Variants in DNM3 observed in about 807,000 individuals in gnomAD.
DNM3 encodes dynamin 3.
DNM3 carries 47 observed loss-of-function variants against 101.6 expected under a neutral mutation model. That is an observed-to-expected ratio of 0.46 (90% CI 0.37 to 0.59). DNM3 has a LOEUF of 0.59. Ranked by LOEUF, DNM3 falls within the 20% of genes least tolerant of loss-of-function variation. DNM3 has a pLI of 0.00. For missense variants in DNM3, 849 were observed against 1,085.7 expected (o/e 0.78, Z 3.06); for synonymous variants, 385 against 387.9 (o/e 0.99, Z 0.09).
chr1:172,410,940 ATG>A lies in DNM3; in HGVS notation c.*3103_*3104del, dbSNP rs948117343. Reference sequence around the variant, plus strand: ...CTGTGTACAAACACATTTTCTATGCATGTGTCTCTGTGTATATGGCATATACC... The same window carrying A: ...CTGTGTACAAACACATTTTCTATGCATGTCTCTGTGTATATGGCATATACC... On this transcript the variant is annotated 3_prime_UTR_variant, in exon 21 of 21. Transcript: ENST00000627582. 1.6e-5 allele frequency: 16 copies of A among 985,148 alleles called. No individual in the cohort carries two copies. Among genetic ancestry groups the A allele is most frequent in the Non-Finnish European group, 1.8e-5 (15 of 829,824 alleles). 61.0% of individuals were successfully genotyped at this position (985,148 alleles called of 1,614,324 possible).
intron 17 of DNM3, among the ~76,000 whole-genome samples, chr1:172,331,088 T>G (rs959764626): frequency 2.6e-5 from 4 of 152,208 alleles, no homozygotes; most frequent in African/African-American, 9.7e-5. Flanking sequence ...TCATTGCCTA[T>G]TGCTTTCAAT....
At chr1:172,073,882 C>T (rs541418597) in intron 11 of DNM3, among the ~76,000 whole-genome samples, 73 of 152,216 alleles carry the variant, frequency 4.8e-4, no homozygotes, top group African/African-American at 1.7e-3. Context: ...GGTATAATAC[C>T]TTCTTTTTTG....
At chr1:172,117,623 G>A (rs188923220) in intron 13 of DNM3, among the ~76,000 whole-genome samples, 30 of 152,038 alleles carry the variant, frequency 2.0e-4, no homozygotes, top group African/African-American at 6.0e-4. Context: ...CCTCTTTTTC[G>A]TCCTAGTCTT....
intron 2 of DNM3, among the ~76,000 whole-genome samples, chr1:171,942,579 A>G (rs904490998): frequency 1.3e-5 from 2 of 152,176 alleles, no homozygotes; most frequent in African/African-American, 2.4e-5. Flanking sequence ...CCAGACACAT[A>G]TTGAACGAAG....
chr1:172,071,085 G>GCATA (rs2052129593), intron 11 of DNM3, among the ~76,000 whole-genome samples: 1 of 33,360 alleles, frequency 3.0e-5, no homozygotes, highest in Non-Finnish European at 5.0e-5. Context: ...GCAAGACCCT[G>GCATA]CATATATATA....
At chr1:172,307,123 A>T (rs942573909) in intron 15 of DNM3, among the ~76,000 whole-genome samples, 1 of 152,222 alleles carries the variant, frequency 6.6e-6, no homozygotes, top group Non-Finnish European at 1.5e-5. Context: ...TTTGCATTCT[A>T]CCCATATGAC....
At chr1:172,303,351 G>T (rs2064572527) in intron 15 of DNM3, among the ~76,000 whole-genome samples, 1 of 152,146 alleles carries the variant, frequency 6.6e-6, no homozygotes, top group African/African-American at 2.4e-5. Flanking sequence ...AAAAAGAAAT[G>T]AACAAAGCAT....
chr1:172,030,473 A>G (rs1432313069), intron 4 of DNM3, among the ~76,000 whole-genome samples: 4 of 152,178 alleles, frequency 2.6e-5, no homozygotes, highest in African/African-American at 4.8e-5. Context: ...AACCCAGGCA[A>G]TACCATTCAG....
intron 17 of DNM3, among the ~76,000 whole-genome samples, chr1:172,349,018 C>T (rs145378224): frequency 6.6e-6 from 1 of 152,274 alleles, no homozygotes; most frequent in African/African-American, 2.4e-5. Context: ...AAACAGAGCA[C>T]CTTCTCTGGC....
chr1:172,264,517 C>T (rs925642796), intron 15 of DNM3, among the ~76,000 whole-genome samples: 16 of 152,286 alleles, frequency 1.1e-4, no homozygotes, highest in African/African-American at 3.8e-4. Context: ...TCATTCCTTG[C>T]CTTTAGATGA....
intron 14 of DNM3, chr1:172,142,107 C>T (rs2057614150): frequency 1.3e-5 from 2 of 151,966 alleles, no homozygotes; most frequent in South Asian, 4.2e-4. Context: ...TCTTCATGAC[C>T]ACATATAATG....
chr1:172,061,519 TA>T (rs1424168881), intron 10 of DNM3, among the ~76,000 whole-genome samples: 1 of 151,416 alleles, frequency 6.6e-6, no homozygotes, highest in African/African-American at 2.4e-5. Context: ...TATGCAGCCA[TA>T]AAAAATGATG....
At chr1:172,001,930 G>T (rs929644865) in intron 4 of DNM3, among the ~76,000 whole-genome samples, 1 of 152,020 alleles carries the variant, frequency 6.6e-6, no homozygotes, top group Non-Finnish European at 1.5e-5. Context: ...TATCCAATCT[G>T]CTGTCTGGTC....
chr1:172,282,071 T>G (rs1326807203), intron 15 of DNM3, among the ~76,000 whole-genome samples: 1 of 152,194 alleles, frequency 6.6e-6, no homozygotes, highest in Non-Finnish European at 1.5e-5. Context: ...TAAAATACAT[T>G]AGCAAGATGA....
At chr1:172,079,302 A>G (rs2052940983) in intron 11 of DNM3, among the ~76,000 whole-genome samples, 2 of 152,082 alleles carry the variant, frequency 1.3e-5, no homozygotes, top group African/African-American at 2.4e-5. Context: ...TATTTCTTGG[A>G]GGCTTTGTTC....
At chr1:171,918,587 G>A (rs765966138) in intron 1 of DNM3, among the ~76,000 whole-genome samples, 59 of 152,180 alleles carry the variant, frequency 3.9e-4, no homozygotes, top group Non-Finnish European at 1.6e-4. Context: ...GATAGACTTC[G>A]AAATAGTAAA....
intron 14 of DNM3, among the ~76,000 whole-genome samples, chr1:172,211,594 C>G (rs1367103688): frequency 6.6e-6 from 1 of 152,094 alleles, no homozygotes; most frequent in African/African-American, 2.4e-5. Context: ...TTATTACATC[C>G]TTAAGTATCT....
At chr1:171,876,564 T>C (rs2035803169) in intron 1 of DNM3, among the ~76,000 whole-genome samples, 1 of 152,206 alleles carries the variant, frequency 6.6e-6, no homozygotes, top group Admixed American at 6.5e-5. Context: ...TTTGTATTTA[T>C]TCCTGAGTGT....
Position 172,348,465 on chromosome 1 carries a change from T to C in DNM3, c.1893+25125T>C, listed in dbSNP as rs553138547. ...ACGGACTGCTGATTAGTTTAACCTG[T>C]ACAATATCGTTCAACAGATGAGTGG... On this transcript the variant is annotated intron_variant, in intron 17 of 20. Coordinates refer to ENST00000627582, the MANE Select transcript of DNM3 (RefSeq NM_015569.5). Among the ~76,000 whole-genome samples the C allele has an allele frequency of 4.9e-4, 74 of 152,302 alleles. 1 individual carries two copies. Among genetic ancestry groups the C allele is most frequent in the Non-Finnish European group, 7.8e-4 (53 of 68,022 alleles).
Sources: gnomAD v4.1 joint callset for allele counts (sites outside exome capture counted in the v4.1 genomes callset) on GRCh38, gnomAD v4.1.1 for gene constraint, MANE v1.5 for transcripts, NCBI Gene and HGNC (gene_info 2026-07-23, HGNC 2026-07-21) for gene names.